SS18L1: variants seen among roughly 807,000 people sequenced by gnomAD.
SS18L1 encodes the protein calcium-responsive transactivator.
In SS18L1, 32 loss-of-function variants were observed where a neutral mutation model predicts 70.3. That is an observed-to-expected ratio of 0.46 (90% CI 0.34 to 0.61). SS18L1 has a LOEUF of 0.61. Among genes scored for constraint, SS18L1 ranks in the 20% least tolerant of loss-of-function variants. The probability of loss-of-function intolerance (pLI) is 0.01; values close to 1 mark genes in which losing one functional copy is unlikely to be tolerated. For missense variants in SS18L1, 430 were observed against 542.1 expected (o/e 0.79, Z 2.05); for synonymous variants, 237 against 229.7 (o/e 1.03, Z -0.29).
At chr20:62,162,437 G>A (rs2057346715) in intron 4 of SS18L1, 1 of 263,308 alleles carries the variant, frequency 3.8e-6, no homozygotes, top group African/African-American at 2.3e-5. Context: ...AAGTAGCTGG[G>A]ATTATAGGCA....
At chr20:62,150,682 C>A (rs2057113883) in intron 1 of SS18L1, among the ~76,000 whole-genome samples, 1 of 103,580 alleles carries the variant, frequency 9.7e-6, no homozygotes, top group Admixed American at 1.5e-4. Flanking sequence ...GAGACAGAGT[C>A]TTGCTCTTTC....
intron 1 of SS18L1, among the ~76,000 whole-genome samples, chr20:62,150,219 G>A (rs1348584682): frequency 6.6e-6 from 1 of 152,264 alleles, no homozygotes; most frequent in African/African-American, 2.4e-5. Context: ...TTGGGTGAAT[G>A]TTCAGAGGGG....
intron 6 of SS18L1, 41 bp from the exon 7 acceptor site, chr20:62,164,104 G>A (rs1294280279): frequency 1.3e-6 from 2 of 1,530,260 alleles, no homozygotes; most frequent in Non-Finnish European, 1.8e-6. Flanking sequence ...TGAGGGAGGA[G>A]GGCGCGGCCC....
Position 62,158,662 on chromosome 20 carries a change from C to G in SS18L1, c.70-10C>G, listed in dbSNP as rs200463488. 72 of 1,612,172 alleles carry G rather than the reference C, an allele frequency of 4.5e-5. No individual in the cohort carries two copies. In the East Asian group the frequency reaches 1.4e-3, roughly 31 times the overall value. On this transcript the variant is annotated splice_polypyrimidine_tract_variant and intron_variant, in intron 1 of 10. Coordinates refer to ENST00000331758, the MANE Select transcript of SS18L1 (RefSeq NM_198935.3). This position sits in a 1 kb window ranked among gnomAD's most constrained non-coding sequence, Gnocchi z 4.5. ...CGCGTCGGCAGCGCCCGCTCACGCT[C>G]TCTCCGCAGATGCTGGACGAGAACC... is the stretch of plus-strand genomic sequence containing the variant.
intron 4 of SS18L1, among the ~76,000 whole-genome samples, chr20:62,162,307 C>CT (rs200117060): frequency 0.058 from 8,675 of 148,856 alleles, 808 homozygotes; most frequent in African/African-American, 0.2. Flanking sequence ...GTTTTCTTTT[C>CT]TTTTTTTTTT....
intron 10 of SS18L1, chr20:62,175,199 C>G (rs558205186): frequency 1.0e-6 from 1 of 975,272 alleles, no homozygotes; most frequent in Non-Finnish European, 1.2e-6. Context: ...CCTTTCTGCC[C>G]AGGAACAGTG....
intron 10 of SS18L1, among the ~76,000 whole-genome samples, chr20:62,176,980 C>T (rs1447919631): frequency 4.6e-5 from 7 of 152,344 alleles, no homozygotes; most frequent in African/African-American, 1.7e-4. Flanking sequence ...ATTGTGCACA[C>T]TGTGTTATGT....
chr20:62,162,322 C>CA (rs112188683), intron 4 of SS18L1, among the ~76,000 whole-genome samples: 15,491 of 151,880 alleles, frequency 0.1, 2,501 homozygotes, highest in African/African-American at 0.35. Flanking sequence ...TTTTTTGAGA[C>CA]AGAGTCTCGC....
At position 62,150,633 on chromosome 20, in the gene SS18L1, A is replaced by ATTTTTTTTTTTTTTTTTTT. The variant is rs34708339; in HGVS notation, c.69+6763_69+6781dup. Among the ~76,000 whole-genome samples, 5 of 58,054 alleles carry ATTTTTTTTTTTTTTTTTTT rather than the reference A, an allele frequency of 8.6e-5. 1 individual carries two copies. Among genetic ancestry groups the ATTTTTTTTTTTTTTTTTTT allele is most frequent in the African/African-American group, 1.1e-4 (2 of 18,802 alleles). 38.1% of individuals were successfully genotyped at this position (58,054 alleles called of 152,430 possible). A position where few individuals can be genotyped will look rare whatever the true frequency, so the allele number is the denominator to read the frequency against. On this transcript the variant is annotated intron_variant, in intron 1 of 10. Coordinates refer to ENST00000331758, the MANE Select transcript of SS18L1 (RefSeq NM_198935.3). ...CGGAGCATAAGAAACATTGAGGTGG[A>ATTTTTTTTTTTTTTTTTTT]TTTTTTTTTTTTTTTTTTTTTTTTT...
intron 6 of SS18L1, 119 bp from the exon 7 acceptor site, chr20:62,164,022 TGGGG>T: frequency 1.3e-6 from 1 of 750,692 alleles, no homozygotes; most frequent in East Asian, 2.7e-5. Flanking sequence ...GATGACAGCG[TGGGG>T]TGTTCTCCTC....
At chr20:62,172,539 T>G (rs1436521028) in intron 8 of SS18L1, 143 bp from the exon 9 acceptor site, 3 of 1,222,666 alleles carry the variant, frequency 2.5e-6, no homozygotes, top group African/African-American at 3.0e-5. Flanking sequence ...GTATAGTATT[T>G]GAATGGTTGT....
Position 62,163,572 on chromosome 20 carries a change from G to C in SS18L1, c.671G>C (p.Ser224Thr), listed in dbSNP as rs761320024. ...IAMMGQGSQG[S>T]SMMGQRPMAP... is the part of the protein sequence containing the mutation. Reference sequence around the variant, plus strand: ...ATGATGGGGCAGGGCAGCCAGGGGAGCAGCATGATGGGGCAGCGGCCCATG... The same window carrying C: ...ATGATGGGGCAGGGCAGCCAGGGGACCAGCATGATGGGGCAGCGGCCCATG... The change falls in exon 6 of 11, where the codon AGC becomes ACC. Residue 224 changes from serine to threonine, a missense_variant. By Grantham distance (58) the Ser-to-Thr change is moderately conservative. Transcript: ENST00000331758. 6.2e-7 allele frequency: 1 copy of C among 1,609,642 alleles called. No individual in the cohort carries two copies. Among genetic ancestry groups the C allele is most frequent in the Non-Finnish European group, 8.5e-7 (1 of 1,179,462 alleles).
chr20:62,176,221 CT>C (rs1184801508), intron 10 of SS18L1, among the ~76,000 whole-genome samples: 1 of 152,200 alleles, frequency 6.6e-6, no homozygotes, highest in Non-Finnish European at 1.5e-5. Flanking sequence ...TTATACCTAC[CT>C]ATGAAAAGAC....
At chr20:62,144,735 A>G (rs1305280623) in intron 1 of SS18L1, among the ~76,000 whole-genome samples, 1 of 152,156 alleles carries the variant, frequency 6.6e-6, no homozygotes, top group African/African-American at 2.4e-5. Context: ...GAGACTTTGT[A>G]TTTTCTGCTG....
At chr20:62,144,338 G>C (rs2056982416) in intron 1 of SS18L1, among the ~76,000 whole-genome samples, 1 of 152,190 alleles carries the variant, frequency 6.6e-6, no homozygotes, top group African/African-American at 2.4e-5. Context: ...GGCGGTACTC[G>C]TTTTCTGCGC....
At chr20:62,153,601 G>C (rs888052072) in intron 1 of SS18L1, among the ~76,000 whole-genome samples, 4 of 152,160 alleles carry the variant, frequency 2.6e-5, no homozygotes, top group African/African-American at 9.7e-5. Context: ...CTTGCTCACT[G>C]CTGAACCACG....
Position 62,165,834 on chromosome 20 carries a change from G to T in SS18L1, c.916+320G>T, listed in dbSNP as rs768824358. Among the ~76,000 whole-genome samples the T allele has an allele frequency of 1.1e-3, 161 of 152,226 alleles. 1 individual carries two copies. The highest frequency in any genetic ancestry group is 1.7e-3 in the Non-Finnish European group (114 of 68,040). On this transcript the variant is annotated intron_variant, in intron 8 of 10. Transcript: ENST00000331758. ...GGAAGGATTCAGCCGGCCATGCTGGGGTTGGGGACACAGACTCTGTTATTG... is the reference window on the plus strand; with the variant it reads ...GGAAGGATTCAGCCGGCCATGCTGGTGTTGGGGACACAGACTCTGTTATTG...
At chr20:62,155,897 C>T (rs2057213107) in intron 1 of SS18L1, among the ~76,000 whole-genome samples, 1 of 152,032 alleles carries the variant, frequency 6.6e-6, no homozygotes, top group Admixed American at 6.5e-5. Context: ...ACACCTGTTC[C>T]ATCCTTAGTC....
chr20:62,143,998 C>A, intron 1 of SS18L1, 109 bp downstream of exon 1: 1 of 711,296 alleles, frequency 1.4e-6, no homozygotes, highest in Non-Finnish European at 1.7e-6. Flanking sequence ...AGCCGGGGCG[C>A]AGCCGGGCGG....
Sources: gnomAD v4.1 joint callset for allele counts (sites outside exome capture counted in the v4.1 genomes callset) on GRCh38, gnomAD v4.1.1 for gene constraint, Gnocchi (gnomAD v3.1) non-coding constraint, MANE v1.5 for transcripts, NCBI Gene and HGNC (gene_info 2026-07-23, HGNC 2026-07-21) for gene names.